GRIN2A: variants seen among roughly 807,000 people sequenced by gnomAD.
The protein encoded by GRIN2A is glutamate ionotropic receptor NMDA type subunit 2A, also known as glutamate receptor ionotropic, NMDA 2A.
In GRIN2A, 22 loss-of-function variants were observed where a neutral mutation model predicts 113.4. The ratio of observed to expected loss-of-function variants is 0.19; its 90% CI spans 0.14 to 0.28. GRIN2A has a LOEUF of 0.28. GRIN2A is among the 10% of genes least tolerant of loss of function. GRIN2A has a pLI of 1.00. For synonymous variants in GRIN2A, 827 were observed against 738.4 expected, an observed-to-expected ratio of 1.12 and a Z score of -1.94; for missense variants, 1,502 against 1,887.0, an observed-to-expected ratio of 0.80 and a Z score of 3.78.
At chr16:9,790,183 A>T (rs1307884021) in intron 11 of GRIN2A, among the ~76,000 whole-genome samples, 1 of 152,188 alleles carries the variant, frequency 6.6e-6, no homozygotes, top group Non-Finnish European at 1.5e-5. Context: ...GCCTGGAGAT[A>T]CCCCAACTGT....
chr16:10,130,445 A>G (rs925831842), intron 2 of GRIN2A, among the ~76,000 whole-genome samples: 1 of 152,204 alleles, frequency 6.6e-6, no homozygotes, highest in Non-Finnish European at 1.5e-5. Context: ...TGCAAACATG[A>G]TTCACCGAAC....
At chr16:10,150,543 C>T (rs1053256080) in intron 2 of GRIN2A, among the ~76,000 whole-genome samples, 10 of 152,100 alleles carry the variant, frequency 6.6e-5, no homozygotes, top group Non-Finnish European at 1.2e-4. Context: ...GAACCTGTTT[C>T]CTCCCACTTC....
chr16:9,786,055 C>T (rs1240297635), intron 11 of GRIN2A, among the ~76,000 whole-genome samples: 1 of 152,188 alleles, frequency 6.6e-6, no homozygotes, highest in East Asian at 1.9e-4. Context: ...TAGTAATTTA[C>T]AGACTAGCCC....
At position 10,011,063 on chromosome 16, in the gene GRIN2A, A is replaced by G. The variant is rs576481470; in HGVS notation, c.415-72512T>C. Among the ~76,000 whole-genome samples the G allele has an allele frequency of 2.0e-5, 3 of 152,334 alleles. No homozygotes were observed. The East Asian group carries it at 5.8e-4, about 29-fold the overall frequency. On this transcript the variant is annotated intron_variant, in intron 2 of 12. Coordinates refer to ENST00000330684, the MANE Select transcript of GRIN2A (RefSeq NM_001134407.3). ...AGCCACCAATGCCAGACTCTTCTTT[A>G]GCATCAGTAACCCCACAAACAACTG... is the stretch of plus-strand genomic sequence containing the variant.
rs1487083681 is a variant in GRIN2A, at chr16:9,756,158, G to A, written c.*6991C>T. The A allele has an allele frequency of 3.5e-5, 8 of 227,962 alleles. No individual in the cohort carries two copies. The highest frequency in any genetic ancestry group is 7.0e-5 in the Non-Finnish European group (8 of 114,704). 14.1% of individuals were successfully genotyped at this position (227,962 alleles called of 1,614,324 possible). A position where few individuals can be genotyped will look rare whatever the true frequency, so the allele number is the denominator to read the frequency against. On this transcript the variant is annotated 3_prime_UTR_variant, in exon 13 of 13. Transcript: ENST00000330684. Reference sequence around the variant, plus strand: ...TGTGTGTGCATACCCACACACATGAGAGCATGTACTATGTATATATGTTTA... The same window carrying A: ...TGTGTGTGCATACCCACACACATGAAAGCATGTACTATGTATATATGTTTA...
At chr16:10,081,461 T>A (rs1448270) in intron 2 of GRIN2A, among the ~76,000 whole-genome samples, 1 of 152,132 alleles carries the variant, frequency 6.6e-6, no homozygotes, top group Non-Finnish European at 1.5e-5. Flanking sequence ...AAAAAGTGTC[T>A]AGTGGCTGGA....
chr16:10,042,534 C>A (rs2047184085), intron 2 of GRIN2A, among the ~76,000 whole-genome samples: 1 of 152,146 alleles, frequency 6.6e-6, no homozygotes, highest in South Asian at 2.1e-4. Flanking sequence ...CACAAGAGAC[C>A]CTAGGCAAGA....
chr16:9,871,889 A>T (rs569286527), intron 4 of GRIN2A, among the ~76,000 whole-genome samples: 1 of 152,302 alleles, frequency 6.6e-6, no homozygotes, highest in African/African-American at 2.4e-5. Context: ...GTAGAATTTG[A>T]TTGAAGAAAG....
chr16:10,105,100 G>C lies in GRIN2A; in HGVS notation c.414+74898C>G, dbSNP rs142113930. On this transcript the variant is annotated intron_variant, in intron 2 of 12. Coordinates refer to ENST00000330684, the MANE Select transcript of GRIN2A (RefSeq NM_001134407.3). ...GAGCCGAACTGGTAGCTGGGGTCTA[G>C]AAGAATTCAGAGTTCATCCCGAGTC... Among the ~76,000 whole-genome samples, 191 of 152,180 alleles carry C rather than the reference G, an allele frequency of 1.3e-3. 1 individual carries two copies. The highest frequency in any genetic ancestry group is 4.5e-3 in the African/African-American group (185 of 41,486).
intron 2 of GRIN2A, among the ~76,000 whole-genome samples, chr16:9,955,113 C>A (rs950073416): frequency 1.2e-4 from 18 of 152,206 alleles, no homozygotes; most frequent in African/African-American, 3.4e-4. Context: ...GTTTCACTCT[C>A]TCAACAGCCT....
At chr16:10,126,415 C>T (rs2048937590) in intron 2 of GRIN2A, among the ~76,000 whole-genome samples, 1 of 152,158 alleles carries the variant, frequency 6.6e-6, no homozygotes, top group African/African-American at 2.4e-5. Context: ...AACACTCCTG[C>T]CACTGCCTCC....
intron 10 of GRIN2A, among the ~76,000 whole-genome samples, chr16:9,802,491 A>T (rs8053689): frequency 0.35 from 52,642 of 152,052 alleles, 9,512 homozygotes; most frequent in African/African-American, 0.46. Flanking sequence ...TAATCACTTT[A>T]AAAAAAGAGA....
At chr16:10,098,952 C>G (rs1361372465) in intron 2 of GRIN2A, among the ~76,000 whole-genome samples, 1 of 146,482 alleles carries the variant, frequency 6.8e-6, no homozygotes, top group Non-Finnish European at 1.5e-5. Context: ...CAAAAAAAAC[C>G]TATGGAAATT....
At chr16:10,005,883 T>C (rs979437999) in intron 2 of GRIN2A, among the ~76,000 whole-genome samples, 1 of 152,234 alleles carries the variant, frequency 6.6e-6, no homozygotes, top group Non-Finnish European at 1.5e-5. Flanking sequence ...TGCAACCACA[T>C]ATACACAGTG....
intron 2 of GRIN2A, among the ~76,000 whole-genome samples, chr16:9,971,378 A>G (rs748190662): frequency 3.9e-5 from 6 of 152,214 alleles, no homozygotes; most frequent in Non-Finnish European, 5.9e-5. Context: ...CCCCAAGCCA[A>G]TAGCCAGCTC....
intron 3 of GRIN2A, among the ~76,000 whole-genome samples, chr16:9,918,165 A>G (rs1162972456): frequency 6.6e-6 from 1 of 152,204 alleles, no homozygotes; most frequent in Non-Finnish European, 1.5e-5. Context: ...AAGCTCAGAT[A>G]TATTTAGTTG....
intron 2 of GRIN2A, among the ~76,000 whole-genome samples, chr16:10,120,010 T>A (rs1482657302): frequency 6.6e-6 from 1 of 152,246 alleles, no homozygotes; most frequent in Non-Finnish European, 1.5e-5. Flanking sequence ...GGATTCCATG[T>A]ATTTGCTATT....
intron 3 of GRIN2A, among the ~76,000 whole-genome samples, chr16:9,935,063 A>T (rs184325257): frequency 3.5e-4 from 54 of 152,252 alleles, no homozygotes; most frequent in East Asian, 1.2e-3. Flanking sequence ...AGAATTTTTT[A>T]AAAAAAGCAT....
rs548791867 is a variant in GRIN2A at position 10,160,242 on chromosome 16, C to T, written c.414+19756G>A. ...CATCTACTAAGTACCTACTCTCCCT[C>T]AAAACAATGTTCTGAGTGCTGGAAG... On this transcript the variant is annotated intron_variant, in intron 2 of 12. Coordinates refer to ENST00000330684, the MANE Select transcript of GRIN2A (RefSeq NM_001134407.3). Among the ~76,000 whole-genome samples the T allele has an allele frequency of 1.9e-4, 29 of 152,332 alleles. No homozygotes were observed. The East Asian group carries it at 4.2e-3, about 22-fold the overall frequency.
Sources: gnomAD v4.1 joint callset for allele counts (sites outside exome capture counted in the v4.1 genomes callset) on GRCh38, gnomAD v4.1.1 for gene constraint, MANE v1.5 for transcripts, NCBI Gene and HGNC (gene_info 2026-07-23, HGNC 2026-07-21) for gene names.